RGCC: variants seen among roughly 807,000 people sequenced by gnomAD.
RGCC encodes the protein regulator of cell cycle RGCC.
RGCC carries 15 observed loss-of-function variants against 15.4 expected under a neutral mutation model. The ratio of observed to expected loss-of-function variants is 0.97; its 90% confidence interval spans 0.65 to 1.50. RGCC has a LOEUF of 1.50. RGCC is among the 40% of genes most tolerant of loss of function. The probability of loss-of-function intolerance (pLI) is 0.00; values close to 1 mark genes in which losing one functional copy is unlikely to be tolerated. For missense variants in RGCC, 176 were observed against 189.7 expected (o/e 0.93, Z 0.42); for synonymous variants, 81 against 78.0 (o/e 1.04, Z -0.20).
chr13:41,460,277 T>C (rs2043814865), intron 2 of RGCC, among the ~76,000 whole-genome samples: 1 of 152,234 alleles, frequency 6.6e-6, no homozygotes, highest in African/African-American at 2.4e-5. Context: ...TAAATAGTAA[T>C]TTCTTAAGGA....
intron 3 of RGCC, among the ~76,000 whole-genome samples, chr13:41,467,903 C>T (rs1044912378): frequency 3.9e-5 from 6 of 152,132 alleles, no homozygotes; most frequent in Non-Finnish European, 7.3e-5. Flanking sequence ...GAAAAAAAGC[C>T]CCTAGTGGCA....
At chr13:41,461,987 G>T (rs1294579998) in intron 2 of RGCC, among the ~76,000 whole-genome samples, 1 of 152,226 alleles carries the variant, frequency 6.6e-6, no homozygotes, top group Non-Finnish European at 1.5e-5. Flanking sequence ...AAAGGGAGCT[G>T]GGACAACAGT....
In RGCC at chr13:41,458,367, G is replaced by A; in HGVS notation, c.132G>A (p.Ser44=). 1 of 1,595,288 alleles carries A rather than the reference G, an allele frequency of 6.3e-7. No homozygotes were observed. Residue 44 remains serine (S), a synonymous_variant, in exon 2 of 5, where the codon TCG becomes TCA. Coordinates refer to ENST00000379359, the MANE Select transcript of RGCC (RefSeq NM_014059.3). This position sits in a 1 kb window ranked among gnomAD's most constrained non-coding sequence, Gnocchi z 4.4. The part of the protein sequence containing the change: ...EFDAVLADFA[S]PFHERHFHYE... Reference sequence around the variant, plus strand: ...ACGCGGTGCTGGCCGACTTCGCGTCGCCCTTCCACGAGCGCCACTTCCACT... The same window carrying A: ...ACGCGGTGCTGGCCGACTTCGCGTCACCCTTCCACGAGCGCCACTTCCACT...
At chr13:41,469,629 A>G (rs1413607770) in intron 4 of RGCC, among the ~76,000 whole-genome samples, 1 of 152,134 alleles carries the variant, frequency 6.6e-6, no homozygotes, top group Non-Finnish European at 1.5e-5. Flanking sequence ...TAACTTTAAG[A>G]TGTGGGTGCC....
At chr13:41,461,595 C>CG in intron 2 of RGCC, among the ~76,000 whole-genome samples, 1 of 152,204 alleles carries the variant, frequency 6.6e-6, no homozygotes, top group Middle Eastern at 3.4e-3. Context: ...TTTCCTTTGA[C>CG]GGGGGAGTGT....
At chr13:41,463,490 T>C (rs2043832057) in intron 2 of RGCC, among the ~76,000 whole-genome samples, 1 of 92,296 alleles carries the variant, frequency 1.1e-5, no homozygotes, top group African/African-American at 4.6e-5. Flanking sequence ...TGTGTGTGTG[T>C]GTGTGTGTGT....
At chr13:41,466,303 T>A (rs1481042453) in intron 2 of RGCC, among the ~76,000 whole-genome samples, 2 of 150,524 alleles carry the variant, frequency 1.3e-5, no homozygotes, top group South Asian at 2.1e-4. Flanking sequence ...ACACACACAC[T>A]TTCTCTCTCA....
At chr13:41,470,380 G>A (rs943876783) in intron 4 of RGCC, 98 bp from the exon 5 acceptor site, 45 of 1,265,414 alleles carry the variant, frequency 3.6e-5, no homozygotes, top group Non-Finnish European at 4.7e-5. Context: ...CCAGCATTGA[G>A]TTTGGTGCTT....
At chr13:41,466,109 C>G (rs1451270499) in intron 2 of RGCC, among the ~76,000 whole-genome samples, 2 of 151,494 alleles carry the variant, frequency 1.3e-5, no homozygotes, top group Non-Finnish European at 2.9e-5. Context: ...CTCACATGCT[C>G]TCACACACAC....
chr13:41,469,690 A>C (rs1234869468), intron 4 of RGCC, among the ~76,000 whole-genome samples: 1 of 152,226 alleles, frequency 6.6e-6, no homozygotes, highest in East Asian at 1.9e-4. Flanking sequence ...CATGCCAGTG[A>C]CTGAATGACC....
In RGCC at chr13:41,470,375, A is replaced by G; in HGVS notation, c.407-103A>G. ...ACACTCATCGTGTGGGAAGCCCAGC[A>G]TTGAGTTTGGTGCTTTGATGCACGT... On this transcript the variant is annotated intron_variant, in intron 4 of 4. Coordinates refer to ENST00000379359, the MANE Select transcript of RGCC (RefSeq NM_014059.3). 3.3e-6 allele frequency: 4 copies of G among 1,195,612 alleles called. No individual in the cohort carries two copies. In the South Asian group the frequency reaches 5.1e-5, roughly 15 times the overall value. 74.1% of individuals were successfully genotyped at this position (1,195,612 alleles called of 1,614,324 possible). A position where few individuals can be genotyped will look rare whatever the true frequency, so the allele number is the denominator to read the frequency against.
At chr13:41,462,078 A>C (rs1285961167) in intron 2 of RGCC, among the ~76,000 whole-genome samples, 1 of 152,230 alleles carries the variant, frequency 6.6e-6, no homozygotes, top group East Asian at 1.9e-4. Flanking sequence ...CAGGAGGAGA[A>C]GTCAACCCAC....
chr13:41,467,963 T>A (rs982129327), intron 3 of RGCC, among the ~76,000 whole-genome samples: 1 of 152,206 alleles, frequency 6.6e-6, no homozygotes, highest in African/African-American at 2.4e-5. Flanking sequence ...CCAGCAGGTG[T>A]TAATTAATAA....
At chr13:41,465,451 A>G (rs2043842293) in intron 2 of RGCC, among the ~76,000 whole-genome samples, 1 of 152,194 alleles carries the variant, frequency 6.6e-6, no homozygotes, top group Non-Finnish European at 1.5e-5. Flanking sequence ...CCTTCCCCTT[A>G]GCAGGACTTA....
intron 2 of RGCC, among the ~76,000 whole-genome samples, chr13:41,460,213 G>A (rs1164665824): frequency 3.9e-5 from 6 of 152,164 alleles, no homozygotes; most frequent in Admixed American, 3.9e-4. Flanking sequence ...TAAATGTGTA[G>A]TTTTTCTCTC....
intron 2 of RGCC, chr13:41,464,295 GC>G (rs2043837072): frequency 6.6e-6 from 1 of 152,620 alleles, no homozygotes; most frequent in African/African-American, 2.4e-5. Flanking sequence ...CCTAAATTTT[GC>G]CTTATCTTCT....
Position 41,463,488 on chromosome 13 carries a change from TG to T in RGCC, c.236-3334del, listed in dbSNP as rs1303745911. ...GTGTATCTGTGTGTGTGTGTGTGTG[TG>T]TGTGTGTGTGTGTGGTGGGCAGGGC... On this transcript the variant is annotated intron_variant, in intron 2 of 4. Coordinates refer to ENST00000379359, the MANE Select transcript of RGCC (RefSeq NM_014059.3). 7.4e-5 allele frequency among the ~76,000 whole-genome samples: 9 copies of T among 120,984 alleles called. No homozygotes were observed. In the East Asian group the frequency reaches 2.2e-3, roughly 29 times the overall value. 79.4% of individuals were successfully genotyped at this position (120,984 alleles called of 152,430 possible). A position where few individuals can be genotyped will look rare whatever the true frequency, so the allele number is the denominator to read the frequency against.
intron 3 of RGCC, among the ~76,000 whole-genome samples, chr13:41,467,201 G>A (rs1284885675): frequency 6.6e-6 from 1 of 152,240 alleles, no homozygotes; most frequent in Non-Finnish European, 1.5e-5. Flanking sequence ...TCTCTCTCAT[G>A]TGATGTAATC....
chr13:41,469,292 T>TAAGAAGAAG (rs1440435520), intron 4 of RGCC, among the ~76,000 whole-genome samples: 42 of 82,056 alleles, frequency 5.1e-4, no homozygotes, highest in African/African-American at 1.2e-3. Context: ...ATAATAATAA[T>TAAGAAGAAG]AATAAGAAGA....
Sources: allele counts gnomAD v4.1 joint callset (sites outside exome capture counted in the v4.1 genomes callset), GRCh38; gene constraint gnomAD v4.1.1; non-coding constraint Gnocchi (gnomAD v3.1); transcripts MANE v1.5; gene names NCBI Gene and HGNC (gene_info 2026-07-23, HGNC 2026-07-21).